CRCP: variants seen among roughly 807,000 people sequenced by gnomAD.
CRCP encodes the protein DNA-directed RNA polymerase III subunit RPC9.
Under a neutral mutation model 18.5 loss-of-function variants are expected in CRCP, and 18 were observed. The observed-to-expected ratio is 0.97, with a 90% confidence interval of 0.67 to 1.44. The LOEUF is 1.44. CRCP is among the 40% of genes most tolerant of loss of function. The probability of loss-of-function intolerance (pLI) is 0.00; values close to 1 mark genes in which losing one functional copy is unlikely to be tolerated. For synonymous variants in CRCP, 53 were observed against 62.9 expected (o/e 0.84, Z 0.75); for missense variants, 130 against 176.4 (o/e 0.74, Z 1.49).
intron 5 of CRCP, among the ~76,000 whole-genome samples, chr7:66,146,390 A>G (rs890524616): frequency 6.6e-6 from 1 of 152,008 alleles, no homozygotes; most frequent in African/African-American, 2.4e-5. Context: ...TTCTTATTAC[A>G]GGGCAGAGAG....
chr7:66,118,543 T>C (rs1787340858), intron 1 of CRCP, among the ~76,000 whole-genome samples: 1 of 152,230 alleles, frequency 6.6e-6, no homozygotes, highest in South Asian at 2.1e-4. Flanking sequence ...ATTAGCTTCA[T>C]AAATATAGTC....
rs751803329 is a variant in CRCP at position 66,134,289 on chromosome 7, T to C, written c.154T>C (p.Tyr52His). ...TTTTTTTTTTTGCCAGACGTTAAAA[T>C]ACATATCAAAAACACCATGCAGGCA... ...LNTITYETLK[Y>H]ISKTPCRHQS... The change falls in exon 4 of 6, where the codon TAC becomes CAC. Residue 52 changes from tyrosine (Y) to histidine (H), a missense_variant. Tyr to His is a moderately conservative substitution (Grantham distance 83). Transcript: ENST00000395326. 1 of 1,582,656 alleles carries C rather than the reference T, an allele frequency of 6.3e-7. No homozygotes were observed. Among genetic ancestry groups the C allele is most frequent in the South Asian group, 1.1e-5 (1 of 87,542 alleles).
At chr7:66,139,217 A>T (rs1788063196) in intron 4 of CRCP, among the ~76,000 whole-genome samples, 1 of 152,114 alleles carries the variant, frequency 6.6e-6, no homozygotes, top group African/African-American at 2.4e-5. Flanking sequence ...GTCTAATGGG[A>T]TAATTTCTGT....
chr7:66,151,667 T>TTCTCTC (rs141979300), intron 5 of CRCP, among the ~76,000 whole-genome samples: 35 of 65,136 alleles, frequency 5.4e-4, no homozygotes, highest in Non-Finnish European at 8.5e-4. Flanking sequence ...TGTTCACCAC[T>TTCTCTC]TCTCTCTGTG....
At chr7:66,119,438 G>C (rs1787367070) in intron 1 of CRCP, among the ~76,000 whole-genome samples, 1 of 152,192 alleles carries the variant, frequency 6.6e-6, no homozygotes, top group East Asian at 1.9e-4. Context: ...AGGAGGTCTT[G>C]GGAACTGCAG....
chr7:66,152,601 C>A lies in CRCP; in HGVS notation c.*244C>A, dbSNP rs1788509651. On this transcript the variant is annotated 3_prime_UTR_variant, in exon 6 of 6. Coordinates refer to ENST00000395326, the MANE Select transcript of CRCP (RefSeq NM_014478.5). The stretch of plus-strand genomic sequence containing the variant: ...GAAGGTGGGGACAGTGACCGCGGAC[C>A]CCTCTGTGCTTGAAAGATTTCCTCC... The A allele has an allele frequency of 2.1e-6, 1 of 487,374 alleles. No homozygotes were observed. Among genetic ancestry groups the A allele is most frequent in the Non-Finnish European group, 3.7e-6 (1 of 269,220 alleles). The allele number at this position is 487,374 out of a possible 1,614,324, so 30.2% of individuals were successfully genotyped here.
chr7:66,143,157 C>T (rs1369446267), intron 4 of CRCP, among the ~76,000 whole-genome samples: 1 of 152,174 alleles, frequency 6.6e-6, no homozygotes, highest in Non-Finnish European at 1.5e-5. Context: ...AAGTGTTTCA[C>T]GTGTTTAGAC....
At chr7:66,142,116 A>C (rs1247280678) in intron 4 of CRCP, among the ~76,000 whole-genome samples, 1 of 152,012 alleles carries the variant, frequency 6.6e-6, no homozygotes, top group Non-Finnish European at 1.5e-5. Flanking sequence ...CTCAGACGGG[A>C]ACTGAGAAAA....
In CRCP at chr7:66,116,670, C is replaced by A. The variant is rs1340492207; in HGVS notation, c.8+1700C>A. Among the ~76,000 whole-genome samples, 3 of 152,190 alleles carry A rather than the reference C, an allele frequency of 2.0e-5. No individual in the cohort carries two copies. In the East Asian group the frequency reaches 5.8e-4, roughly 29 times the overall value. On this transcript the variant is annotated intron_variant, in intron 1 of 5. Transcript: ENST00000395326. ...TACAACCCTGCTTTAGAGAATTCAT[C>A]TTAGAAAATCCTCCGTCCCCACATA... is the stretch of plus-strand genomic sequence containing the variant.
chr7:66,145,324 A>C, intron 4 of CRCP, 119 bp from the exon 5 acceptor site: 1 of 954,560 alleles, frequency 1.0e-6, no homozygotes, highest in Non-Finnish European at 1.7e-6. Flanking sequence ...GAAGGAACTG[A>C]GGGCCACACT....
chr7:66,149,926 C>T (rs1788406384), intron 5 of CRCP, among the ~76,000 whole-genome samples: 1 of 152,048 alleles, frequency 6.6e-6, no homozygotes, highest in South Asian at 2.1e-4. Flanking sequence ...CCTGCCTCAG[C>T]CTCCCGTGTA....
At chr7:66,127,197 T>G (rs1447180245) in intron 1 of CRCP, among the ~76,000 whole-genome samples, 3 of 152,242 alleles carry the variant, frequency 2.0e-5, no homozygotes, top group African/African-American at 4.8e-5. Flanking sequence ...CACATCGTTG[T>G]GTTTCTTCAC....
At chr7:66,126,663 A>G (rs1288449473) in intron 1 of CRCP, 1 of 426,254 alleles carries the variant, frequency 2.3e-6, no homozygotes, top group African/African-American at 2.0e-5. Context: ...AGTACCAAGA[A>G]CTATTCTAAA....
At chr7:66,138,549 G>C (rs927776908) in intron 4 of CRCP, among the ~76,000 whole-genome samples, 4 of 150,814 alleles carry the variant, frequency 2.7e-5, no homozygotes, top group Non-Finnish European at 5.9e-5. Flanking sequence ...ACTTTGGGAG[G>C]CCGAGGCTGG....
chr7:66,130,663 T>A (rs1297984199), intron 2 of CRCP, 81 bp from the exon 3 acceptor site: 3 of 793,544 alleles, frequency 3.8e-6, no homozygotes, highest in African/African-American at 1.7e-5. Flanking sequence ...TACTTTCCTG[T>A]TTATCCTTCA....
rs1361171070 is a variant in CRCP, at chr7:66,134,394, A to G, written c.239+20A>G. 1.3e-6 allele frequency: 2 copies of G among 1,499,872 alleles called. No individual in the cohort carries two copies. The allele number at this position is 1,499,872 out of a possible 1,614,324, so 92.9% of individuals were successfully genotyped here. A position where few individuals can be genotyped will look rare whatever the true frequency, so the allele number is the denominator to read the frequency against. On this transcript the variant is annotated intron_variant, in intron 4 of 5. Transcript: ENST00000395326. The stretch of plus-strand genomic sequence containing the variant: ...GACCAAGTAAGTAAATCTCTTAAGT[A>G]GGAAGAGCGTGACACATGGTGAAAT...
chr7:66,121,583 C>T (rs1787443883), intron 1 of CRCP, among the ~76,000 whole-genome samples: 1 of 152,036 alleles, frequency 6.6e-6, no homozygotes, highest in Admixed American at 6.6e-5. Flanking sequence ...CCTCAGCCTC[C>T]TGACTAGCTG....
chr7:66,137,221 TA>T (rs1787998727), intron 4 of CRCP, among the ~76,000 whole-genome samples: 1 of 152,230 alleles, frequency 6.6e-6, no homozygotes, highest in African/African-American at 2.4e-5. Context: ...ACCTATTTCA[TA>T]ATTTTGCGTG....
At chr7:66,151,518 G>A (rs1304472150) in intron 5 of CRCP, among the ~76,000 whole-genome samples, 1 of 151,924 alleles carries the variant, frequency 6.6e-6, no homozygotes, top group Non-Finnish European at 1.5e-5. Context: ...GCAGTGAGCC[G>A]AGATTGTGCC....
Sources: allele counts gnomAD v4.1 joint callset (sites outside exome capture counted in the v4.1 genomes callset), GRCh38; gene constraint gnomAD v4.1.1; transcripts MANE v1.5; gene names NCBI Gene and HGNC (gene_info 2026-07-23, HGNC 2026-07-21).